The following GRIN2A variants were observed in gnomAD, a reference collection of about 807,000 sequenced individuals.
GRIN2A encodes the protein glutamate receptor ionotropic, NMDA 2A.
GRIN2A carries 22 observed loss-of-function variants against 113.4 expected under a neutral mutation model. The observed-to-expected ratio is 0.19, with a 90% CI of 0.14 to 0.28. The LOEUF is 0.28. Ranked by LOEUF, GRIN2A falls within the 10% of genes least tolerant of loss-of-function variation. GRIN2A has a pLI of 1.00. For synonymous variants in GRIN2A, 827 were observed against 738.4 expected, an observed-to-expected ratio of 1.12 and a Z score of -1.94; for missense variants, 1,502 against 1,887.0, an observed-to-expected ratio of 0.80 and a Z score of 3.78.
At chr16:10,114,596 G>C (rs1363367162) in intron 2 of GRIN2A, among the ~76,000 whole-genome samples, 1 of 152,182 alleles carries the variant, frequency 6.6e-6, no homozygotes, top group Admixed American at 6.5e-5. Flanking sequence ...TAGCTAGTTT[G>C]TTTTGGGTAG....
chr16:10,172,473 G>A (rs1433239824), intron 2 of GRIN2A, among the ~76,000 whole-genome samples: 1 of 152,228 alleles, frequency 6.6e-6, no homozygotes, highest in East Asian at 1.9e-4. Context: ...TACATCATAG[G>A]CCTCACAGCC....
intron 2 of GRIN2A, among the ~76,000 whole-genome samples, chr16:10,001,284 G>C (rs1203535534): frequency 6.6e-6 from 1 of 152,134 alleles, no homozygotes; most frequent in Non-Finnish European, 1.5e-5. Flanking sequence ...GAAGTCCTGG[G>C]TTTAAATTGT....
At chr16:9,953,965 A>G (rs2045244787) in intron 2 of GRIN2A, among the ~76,000 whole-genome samples, 5 of 151,738 alleles carry the variant, frequency 3.3e-5, no homozygotes, top group South Asian at 4.1e-4. Flanking sequence ...CTCAAACACA[A>G]CAGTATTTTA....
intron 2 of GRIN2A, among the ~76,000 whole-genome samples, chr16:10,001,846 A>G (rs1426682703): frequency 6.6e-6 from 1 of 152,228 alleles, no homozygotes; most frequent in African/African-American, 2.4e-5. Context: ...AGAGACAAAT[A>G]AAATGTCCAC....
At chr16:9,965,779 T>C (rs1219489728) in intron 2 of GRIN2A, among the ~76,000 whole-genome samples, 1 of 152,214 alleles carries the variant, frequency 6.6e-6, no homozygotes, top group Non-Finnish European at 1.5e-5. Flanking sequence ...CCATGGCTTG[T>C]GGACCAAATC....
At chr16:10,106,030 G>A (rs900897828) in intron 2 of GRIN2A, among the ~76,000 whole-genome samples, 22 of 152,178 alleles carry the variant, frequency 1.4e-4, no homozygotes, top group African/African-American at 5.3e-4. Flanking sequence ...TAGCCTGCCA[G>A]CTATGTTAAA....
chr16:10,001,453 A>G (rs1303744799), intron 2 of GRIN2A, among the ~76,000 whole-genome samples: 1 of 152,188 alleles, frequency 6.6e-6, no homozygotes, highest in Non-Finnish European at 1.5e-5. Context: ...AAGTCAGTAG[A>G]CCAATGATGT....
chr16:9,948,815 C>T (rs2045091955), intron 2 of GRIN2A, among the ~76,000 whole-genome samples: 1 of 152,202 alleles, frequency 6.6e-6, no homozygotes, highest in Non-Finnish European at 1.5e-5. Flanking sequence ...TCCTATGGTG[C>T]CCATGGCCAT....
At position 10,134,346 on chromosome 16, in the gene GRIN2A, T is replaced by C. The variant is rs1046752081; in HGVS notation, c.414+45652A>G. ...CAGTCCTTTCTCATGAAGGGTAATA[T>C]GTGTTTCCAGCCTAAGAGTTTTAAC... On this transcript the variant is annotated intron_variant, in intron 2 of 12. Coordinates refer to ENST00000330684, the MANE Select transcript of GRIN2A (RefSeq NM_001134407.3). 5.3e-5 allele frequency among the ~76,000 whole-genome samples: 8 copies of C among 152,240 alleles called. No homozygotes were observed. In the East Asian group the frequency reaches 9.7e-4, roughly 18 times the overall value.
At chr16:10,025,005 G>A (rs897127036) in intron 2 of GRIN2A, among the ~76,000 whole-genome samples, 1 of 152,064 alleles carries the variant, frequency 6.6e-6, no homozygotes, top group African/African-American at 2.4e-5. Flanking sequence ...AAGAGTCAGA[G>A]AGGAGAGAAA....
intron 3 of GRIN2A, among the ~76,000 whole-genome samples, chr16:9,905,411 G>A (rs909954379): frequency 2.0e-5 from 3 of 152,094 alleles, no homozygotes; most frequent in Admixed American, 2.0e-4. Flanking sequence ...TCAGAACTGG[G>A]CAGATAATAT....
chr16:10,093,509 T>C (rs1004725502), intron 2 of GRIN2A, among the ~76,000 whole-genome samples: 11 of 152,150 alleles, frequency 7.2e-5, no homozygotes, highest in Non-Finnish European at 1.5e-4. Flanking sequence ...ATTGGCACCT[T>C]CACTCAAGTG....
At chr16:9,909,073 T>A (rs1403721396) in intron 3 of GRIN2A, among the ~76,000 whole-genome samples, 1 of 152,130 alleles carries the variant, frequency 6.6e-6, no homozygotes, top group African/African-American at 2.4e-5. Context: ...TTAATGGACT[T>A]ATAATTCCAT....
At chr16:10,163,507 T>C (rs545424223) in intron 2 of GRIN2A, among the ~76,000 whole-genome samples, 1 of 152,170 alleles carries the variant, frequency 6.6e-6, no homozygotes, top group East Asian at 1.9e-4. Context: ...GCTGATATCC[T>C]GGCTGGTGTG....
chr16:9,934,952 C>T (rs1337834341), intron 3 of GRIN2A, among the ~76,000 whole-genome samples: 3 of 151,928 alleles, frequency 2.0e-5, no homozygotes, highest in East Asian at 1.9e-4. Flanking sequence ...CGACTTACCA[C>T]GCTTGATGCA....
intron 2 of GRIN2A, among the ~76,000 whole-genome samples, chr16:10,071,132 A>G (rs2047742278): frequency 6.6e-6 from 1 of 152,228 alleles, no homozygotes; most frequent in East Asian, 1.9e-4. Context: ...TAATACCTAC[A>G]TAAAAGAACC....
At chr16:9,843,281 G>A (rs2042715535) in intron 5 of GRIN2A, among the ~76,000 whole-genome samples, 1 of 152,008 alleles carries the variant, frequency 6.6e-6, no homozygotes, top group South Asian at 2.1e-4. Flanking sequence ...AAACAACATT[G>A]ATTTACATGA....
intron 4 of GRIN2A, among the ~76,000 whole-genome samples, chr16:9,870,434 G>T (rs1242781752): frequency 6.6e-6 from 1 of 152,096 alleles, no homozygotes; most frequent in Non-Finnish European, 1.5e-5. Context: ...ACACATCCTA[G>T]CCAGAAAGCT....
In GRIN2A at chr16:9,907,702, C is replaced by T. The variant is rs567669218; in HGVS notation, c.1008-16602G>A. Among the ~76,000 whole-genome samples, 144 of 152,032 alleles carry T rather than the reference C, an allele frequency of 9.5e-4. 1 individual carries two copies. The highest frequency in any genetic ancestry group is 2.7e-3 in the Admixed American group (41 of 15,246). On this transcript the variant is annotated intron_variant, in intron 3 of 12. Transcript: ENST00000330684. ...CTCATTTAAATACAAAGATCTGTCT[C>T]GCCTAAATATTCACATGTTCAAATC... is the stretch of plus-strand genomic sequence containing the variant.
Sources: gnomAD v4.1 joint callset for allele counts (sites outside exome capture counted in the v4.1 genomes callset) on GRCh38, gnomAD v4.1.1 for gene constraint, MANE v1.5 for transcripts, NCBI Gene and HGNC (gene_info 2026-07-23, HGNC 2026-07-21) for gene names.